IQSEC1: variants seen among roughly 807,000 people sequenced by gnomAD.
The protein encoded by IQSEC1 is IQ motif and Sec7 domain ArfGEF 1, also known as IQ motif and SEC7 domain-containing protein 1.
Under a neutral mutation model 91.0 loss-of-function variants are expected in IQSEC1, and 31 were observed. The ratio of observed to expected loss-of-function variants is 0.34; its 90% CI spans 0.26 to 0.46. The LOEUF is 0.46. IQSEC1 is among the 20% of genes least tolerant of loss of function. The pLI is 1.00. For missense variants in IQSEC1, 1,388 were observed against 1,575.6 expected, an observed-to-expected ratio of 0.88 and a Z score of 2.02; for synonymous variants, 699 against 662.6, an observed-to-expected ratio of 1.05 and a Z score of -0.84.
intron 1 of IQSEC1, among the ~76,000 whole-genome samples, chr3:13,274,447 G>T (rs931161194): frequency 6.6e-6 from 1 of 152,254 alleles, no homozygotes; most frequent in Non-Finnish European, 1.5e-5. Context: ...TCCCACGGAG[G>T]GGGCGGGCTC....
chr3:12,985,365 G>C (rs1174955975), intron 1 of IQSEC1, among the ~76,000 whole-genome samples: 1 of 152,170 alleles, frequency 6.6e-6, no homozygotes, highest in Non-Finnish European at 1.5e-5. Context: ...GGCTGGGCCC[G>C]AGTCAGGTCC....
intron 1 of IQSEC1, among the ~76,000 whole-genome samples, chr3:13,001,585 T>C (rs1413387689): frequency 1.3e-5 from 2 of 152,196 alleles, no homozygotes; most frequent in African/African-American, 4.8e-5. Context: ...TAGAGGGTCG[T>C]CCAGATGACC....
intron 1 of IQSEC1, among the ~76,000 whole-genome samples, chr3:12,999,252 GCTCCAGAAC>G (rs1223841771): frequency 6.6e-6 from 1 of 152,076 alleles, no homozygotes; most frequent in African/African-American, 2.4e-5. Context: ...TGCCATACCA[GCTCCAGAAC>G]CTTCTCCCTG....
intron 1 of IQSEC1, among the ~76,000 whole-genome samples, chr3:13,236,824 C>T (rs1040158569): frequency 6.6e-6 from 1 of 152,252 alleles, no homozygotes; most frequent in Non-Finnish European, 1.5e-5. Context: ...CCTCTGGTCA[C>T]CCCATGCAGC....
intron 2 of IQSEC1, among the ~76,000 whole-genome samples, chr3:13,153,838 A>G (rs981190820): frequency 2.0e-5 from 3 of 152,184 alleles, no homozygotes; most frequent in Non-Finnish European, 4.4e-5. Context: ...CCAGGAGCCC[A>G]GTGGAGCTTG....
At chr3:13,095,882 C>T (rs952597970) in intron 2 of IQSEC1, among the ~76,000 whole-genome samples, 3 of 152,122 alleles carry the variant, frequency 2.0e-5, no homozygotes. Flanking sequence ...GAGGGAGGGG[C>T]GGCGAGATTC....
intron 4 of IQSEC1, among the ~76,000 whole-genome samples, chr3:12,923,347 G>C (rs1696807278): frequency 6.6e-6 from 1 of 152,142 alleles, no homozygotes; most frequent in African/African-American, 2.4e-5. Context: ...ATTTACCAAG[G>C]AGCTCATGGG....
At chr3:13,244,659 C>T (rs1695078339) in intron 1 of IQSEC1, among the ~76,000 whole-genome samples, 1 of 152,196 alleles carries the variant, frequency 6.6e-6, no homozygotes, top group Non-Finnish European at 1.5e-5. Context: ...GATCCCCACT[C>T]CCAGCCTCAG....
chr3:13,187,275 C>T (rs766543722), intron 1 of IQSEC1, among the ~76,000 whole-genome samples: 2 of 152,174 alleles, frequency 1.3e-5, no homozygotes, highest in Non-Finnish European at 2.9e-5. Context: ...GATCACCTTT[C>T]CCACAGCACG....
upstream of IQSEC1, among the ~76,000 whole-genome samples, chr3:13,077,871 A>G (rs773444158): frequency 3.3e-5 from 5 of 152,214 alleles, no homozygotes; most frequent in Non-Finnish European, 7.3e-5. Flanking sequence ...AGTCCTTGAT[A>G]TGCTCCTGAA....
Position 13,089,737 on chromosome 3 carries a change from A to G in IQSEC1, c.303-42215T>C, listed in dbSNP as rs76317960. Among the ~76,000 whole-genome samples the G allele has an allele frequency of 4.5e-3, 688 of 152,380 alleles. 4 individuals carry two copies. The highest frequency in any genetic ancestry group is 0.015 in the African/African-American group (622 of 41,590). On this transcript the variant is annotated intron_variant, in intron 2 of 15. Coordinates refer to the IQSEC1 transcript ENST00000648114. ...AAATGTCCAGAACAGGCAAATCCAT[A>G]GAGGTAGAAAGCAGATGAGTGGCTG...
intron 1 of IQSEC1, among the ~76,000 whole-genome samples, chr3:13,235,858 T>C (rs1694918986): frequency 6.6e-6 from 1 of 152,184 alleles, no homozygotes; most frequent in African/African-American, 2.4e-5. Context: ...CTTTAAATCC[T>C]GTTCTTATGC....
chr3:13,020,065 T>C (rs1421144351), intron 1 of IQSEC1, among the ~76,000 whole-genome samples: 2 of 152,206 alleles, frequency 1.3e-5, no homozygotes, highest in African/African-American at 2.4e-5. Context: ...GCCCTCTGCA[T>C]TCTGTCAACA....
chr3:13,023,219 G>A (rs920457579), intron 1 of IQSEC1, among the ~76,000 whole-genome samples: 1 of 152,250 alleles, frequency 6.6e-6, no homozygotes, highest in African/African-American at 2.4e-5. Flanking sequence ...TGAAGGGCTG[G>A]AGCCTCTGAG....
intron 2 of IQSEC1, among the ~76,000 whole-genome samples, chr3:13,161,963 T>A (rs760736123): frequency 6.6e-6 from 1 of 152,140 alleles, no homozygotes; most frequent in Non-Finnish European, 1.5e-5. Context: ...GCACATGCTG[T>A]TCCCCCACCG....
intron 1 of IQSEC1, among the ~76,000 whole-genome samples, chr3:13,224,261 G>T (rs1049237893): frequency 2.6e-5 from 4 of 152,098 alleles, no homozygotes; most frequent in African/African-American, 9.7e-5. Flanking sequence ...GAAGACAGAG[G>T]TCCTGCCCGA....
At chr3:13,030,583 A>C (rs1161034444) in intron 1 of IQSEC1, among the ~76,000 whole-genome samples, 1 of 152,274 alleles carries the variant, frequency 6.6e-6, no homozygotes, top group Non-Finnish European at 1.5e-5. Context: ...TGAGGCAATC[A>C]GCCTAATCCT....
intron 2 of IQSEC1, among the ~76,000 whole-genome samples, chr3:13,156,039 A>T (rs1314446567): frequency 1.3e-5 from 2 of 148,494 alleles, no homozygotes; most frequent in African/African-American, 5.0e-5. Flanking sequence ...CCCAACATGT[A>T]GAAACTCCGT....
At position 13,071,161 on chromosome 3, in the gene IQSEC1, T is replaced by TTG. The variant is rs1553563506; in HGVS notation, c.23+1830_23+1831insCA. On this transcript the variant is annotated intron_variant, in intron 1 of 13. Transcript: ENST00000613206. ...CCACACAGTTTTTTTTTGTTTTTTT[T>TTG]TTTTTGTTTGTTTCTTTAACTGCTC... is the stretch of plus-strand genomic sequence containing the variant. Among the ~76,000 whole-genome samples, 8 of 120,728 alleles carry TTG rather than the reference T, an allele frequency of 6.6e-5. No individual in the cohort carries two copies. The South Asian group carries it at 1.3e-3, about 19-fold the overall frequency. 79.2% of individuals were successfully genotyped at this position (120,728 alleles called of 152,430 possible).
Sources: gnomAD v4.1 joint callset for allele counts (sites outside exome capture counted in the v4.1 genomes callset) on GRCh38, gnomAD v4.1.1 for gene constraint, MANE v1.5 for transcripts, NCBI Gene and HGNC (gene_info 2026-07-23, HGNC 2026-07-21) for gene names.